Variants in CARNMT1 observed in about 807,000 individuals in gnomAD.
CARNMT1 encodes carnosine N-methyltransferase 1.
In CARNMT1, 28 loss-of-function variants were observed where a neutral mutation model predicts 49.6. The observed-to-expected ratio is 0.56, with a 90% CI of 0.42 to 0.77. CARNMT1 has a LOEUF of 0.77. CARNMT1 is among the 30% of genes least tolerant of loss of function. CARNMT1 has a pLI of 0.00. For missense variants in CARNMT1, 421 were observed against 512.6 expected (o/e 0.82, Z 1.73); for synonymous variants, 178 against 175.0 (o/e 1.02, Z -0.13).
At chr9:75,001,125 ATT>A (rs879672844) in intron 3 of CARNMT1, among the ~76,000 whole-genome samples, 1 of 150,776 alleles carries the variant, frequency 6.6e-6, no homozygotes, top group African/African-American at 2.4e-5. Flanking sequence ...TCAGTTTAGA[ATT>A]TTTTTTTTAA....
intron 1 of CARNMT1, among the ~76,000 whole-genome samples, chr9:75,020,258 A>C (rs1260012432): frequency 9.1e-6 from 1 of 110,182 alleles, no homozygotes; most frequent in Non-Finnish European, 2.0e-5. Flanking sequence ...TTTCTATTTC[A>C]TTTTTCTTCT....
In CARNMT1 at chr9:75,006,203, C is replaced by G. The variant is rs62569587; in HGVS notation, c.591-6333G>C. Among the ~76,000 whole-genome samples the G allele has an allele frequency of 5.3e-3, 814 of 152,170 alleles. 2 individuals are homozygous for G. The highest frequency in any genetic ancestry group is 0.011 in the Admixed American group (171 of 15,290). On this transcript the variant is annotated intron_variant, in intron 3 of 7. Coordinates refer to ENST00000376834, the MANE Select transcript of CARNMT1 (RefSeq NM_152420.3). ...GGTAGCTGGGATTACAAGTGCACGCCACCACACCCAGCAAATTTTTGTATT... is the reference window on the plus strand; with the variant it reads ...GGTAGCTGGGATTACAAGTGCACGCGACCACACCCAGCAAATTTTTGTATT...
chr9:75,018,101 G>A (rs1216397908), intron 1 of CARNMT1, among the ~76,000 whole-genome samples: 4 of 151,758 alleles, frequency 2.6e-5, no homozygotes, highest in Admixed American at 2.0e-4. Context: ...CGCTCTTGTC[G>A]CCCAGGCTGG....
chr9:75,027,373 A>C (rs904581201), intron 1 of CARNMT1: 1 of 964,098 alleles, frequency 1.0e-6, no homozygotes, highest in East Asian at 1.2e-4. Context: ...GACTTCTCTC[A>C]TCTCTCCTAA....
chr9:75,010,181 T>C (rs1460290042), intron 3 of CARNMT1: 1 of 145,130 alleles, frequency 6.9e-6, no homozygotes, highest in Non-Finnish European at 1.5e-5. Context: ...CAGGCTAGAA[T>C]GGCATGATCT....
intron 6 of CARNMT1, among the ~76,000 whole-genome samples, chr9:74,988,828 G>A (rs981801628): frequency 7.9e-5 from 12 of 152,180 alleles, no homozygotes; most frequent in African/African-American, 2.7e-4. Context: ...AAATTGGGCT[G>A]TAGTTTGCCA....
rs72732937 is a variant in CARNMT1, at chr9:75,026,297, A to G, written c.230+1715T>C. Among the ~76,000 whole-genome samples, 1,231 of 152,278 alleles carry G rather than the reference A, an allele frequency of 8.1e-3. 9 individuals carry two copies. The highest frequency in any genetic ancestry group is 0.027 in the Middle Eastern group (8 of 294). On this transcript the variant is annotated intron_variant, in intron 1 of 7. Coordinates refer to ENST00000376834, the MANE Select transcript of CARNMT1 (RefSeq NM_152420.3). ...GTTCCTGATCAACCCCTACCCCAACAAAGTCCCATCCCATACTTACCCATA... is the reference window on the plus strand; with the variant it reads ...GTTCCTGATCAACCCCTACCCCAACGAAGTCCCATCCCATACTTACCCATA...
chr9:75,025,292 T>C (rs1432908538), intron 1 of CARNMT1, among the ~76,000 whole-genome samples: 1 of 152,236 alleles, frequency 6.6e-6, no homozygotes, highest in Non-Finnish European at 1.5e-5. Context: ...TGCAATTTAC[T>C]TGACAGACAA....
intron 1 of CARNMT1, among the ~76,000 whole-genome samples, chr9:75,026,697 G>A (rs1324765276): frequency 2.0e-5 from 3 of 152,076 alleles, no homozygotes; most frequent in Non-Finnish European, 4.4e-5. Context: ...CAAGATCTTC[G>A]AAGTTCAAAA....
At chr9:74,983,923 A>G in intron 7 of CARNMT1, 55 bp from the exon 8 acceptor site, 1 of 1,255,290 alleles carries the variant, frequency 8.0e-7, no homozygotes, top group Non-Finnish European at 1.1e-6. Flanking sequence ...CCACACCACT[A>G]ACAAATTCTG....
rs755164469 is a variant in CARNMT1, at chr9:75,020,267, C to CTTCTTTTTTT, written c.231-2820_231-2819insAAAAAAAGAA. Among the ~76,000 whole-genome samples, 7 of 124,296 alleles carry CTTCTTTTTTT rather than the reference C, an allele frequency of 5.6e-5. 1 individual carries two copies. The highest frequency in any genetic ancestry group is 3.4e-5 in the Non-Finnish European group (2 of 58,600). The allele number at this position is 124,296 out of a possible 152,430, so 81.5% of individuals were successfully genotyped here. A position where few individuals can be genotyped will look rare whatever the true frequency, so the allele number is the denominator to read the frequency against. ...TTTCATTTTCTATTTCATTTTTCTT[C>CTTCTTTTTTT]TTTTTTTTTTTTTTTTTTGAGATGG... On this transcript the variant is annotated intron_variant, in intron 1 of 7. Coordinates refer to ENST00000376834, the MANE Select transcript of CARNMT1 (RefSeq NM_152420.3).
chr9:74,984,052 C>A (rs1490417859), intron 7 of CARNMT1, among the ~76,000 whole-genome samples, 184 bp from the exon 8 acceptor site: 1 of 152,148 alleles, frequency 6.6e-6, no homozygotes, highest in Admixed American at 6.5e-5. Context: ...AACAGTCACA[C>A]TAGTAAGTGG....
rs1281467315 is a variant in CARNMT1 at position 75,017,248 on chromosome 9, C to T, written c.426+5G>A. 6.2e-7 allele frequency: 1 copy of T among 1,603,100 alleles called. No individual in the cohort carries two copies. Among genetic ancestry groups the T allele is most frequent in the Non-Finnish European group, 8.5e-7 (1 of 1,172,060 alleles). On this transcript the variant is annotated splice_donor_5th_base_variant and intron_variant, in intron 2 of 7. Transcript: ENST00000376834. ...TAAACAGAAATAGAACAAACTTTCA[C>T]ATACATCTTCTCCATATTCTTTATT...
At chr9:75,021,056 A>G (rs1822334416) in intron 1 of CARNMT1, among the ~76,000 whole-genome samples, 1 of 152,024 alleles carries the variant, frequency 6.6e-6, no homozygotes, top group African/African-American at 2.4e-5. Flanking sequence ...GTCAGTTAAT[A>G]CGGATTATTC....
Position 75,028,163 on chromosome 9 carries a change from C to T in CARNMT1, c.79G>A (p.Glu27Lys), listed in dbSNP as rs202028824. 1.1e-3 allele frequency: 1,656 copies of T among 1,530,956 alleles called. 4 individuals carry two copies. The highest frequency in any genetic ancestry group is 1.4e-3 in the Non-Finnish European group (1,553 of 1,140,682). The allele number at this position is 1,530,956 out of a possible 1,614,324, so 94.8% of individuals were successfully genotyped here. ...CCGGCGGAAAACTGCACTTCCACCT[C>T]CTCGCTGCCACCGCCTCCTCCCCCG... Reference protein sequence around the residue: ...GCGGGGGGSEEVEVQFSAGRW... With the variant: ...GCGGGGGGSEKVEVQFSAGRW... The change falls in exon 1 of 8, where the codon GAG becomes AAG. Residue 27 changes from glutamate to lysine, a missense_variant. By Grantham distance (56) the Glu-to-Lys change is moderately conservative. Transcript: ENST00000376834.
chr9:75,022,252 C>G, intron 1 of CARNMT1, among the ~76,000 whole-genome samples: 1 of 108,270 alleles, frequency 9.2e-6, no homozygotes, highest in African/African-American at 3.6e-5. Context: ...GAGATGGAGT[C>G]TCACTCTGTC....
chr9:75,026,711 C>T (rs1388642761), intron 1 of CARNMT1, among the ~76,000 whole-genome samples: 1 of 152,156 alleles, frequency 6.6e-6, no homozygotes, highest in Non-Finnish European at 1.5e-5. Flanking sequence ...TTCAAAAGTT[C>T]CTATCACATA....
At chr9:75,015,202 A>G (rs1373397564) in intron 3 of CARNMT1, among the ~76,000 whole-genome samples, 1 of 152,220 alleles carries the variant, frequency 6.6e-6, no homozygotes, top group African/African-American at 2.4e-5. Flanking sequence ...TTTCCCCTCA[A>G]TTACGGATGC....
At position 75,017,350 on chromosome 9, in the gene CARNMT1, T is replaced by A; in HGVS notation, c.329A>T (p.Asp110Val). ...ATGATCAATGCATTTCCGGATCTTG[T>A]CCAAGTGAAGAAGAAACTGAGGAAG... ...KLLPQFLLHL[D>V]KIRKCIDHNQ... The change falls in exon 2 of 8, where the codon GAC becomes GTC. Residue 110 changes from aspartate (D) to valine (V), a missense_variant. Transcript: ENST00000376834. The A allele has an allele frequency of 6.2e-7, 1 of 1,614,078 alleles. No homozygotes were observed. The highest frequency in any genetic ancestry group is 2.2e-5 in the East Asian group (1 of 44,860).
Sources: gnomAD v4.1 joint callset for allele counts (sites outside exome capture counted in the v4.1 genomes callset) on GRCh38, gnomAD v4.1.1 for gene constraint, MANE v1.5 for transcripts, NCBI Gene and HGNC (gene_info 2026-07-23, HGNC 2026-07-21) for gene names.